Variants in ANGPT1 observed in about 807,000 individuals in gnomAD.
The protein encoded by ANGPT1 is angiopoietin-1.
Under a neutral mutation model 62.2 loss-of-function variants are expected in ANGPT1, and 17 were observed. The ratio of observed to expected loss-of-function variants is 0.27; its 90% confidence interval spans 0.19 to 0.41. ANGPT1 has a LOEUF of 0.41. ANGPT1 is among the 10% of genes least tolerant of loss of function. ANGPT1 has a pLI of 1.00. For synonymous variants in ANGPT1, 199 were observed against 198.9 expected (o/e 1.00, Z 0.00); for missense variants, 478 against 594.9 (o/e 0.80, Z 2.04).
chr8:107,299,407 ATATATATATATAT>A (rs1814501231), intron 5 of ANGPT1, among the ~76,000 whole-genome samples: 4 of 141,880 alleles, frequency 2.8e-5, no homozygotes, highest in Non-Finnish European at 6.1e-5. Context: ...ATATATATAT[ATATATATATATAT>A]AAACATACAT....
intron 1 of ANGPT1, among the ~76,000 whole-genome samples, chr8:107,439,918 C>T (rs943296245): frequency 6.6e-6 from 1 of 152,128 alleles, no homozygotes; most frequent in Non-Finnish European, 1.5e-5. Flanking sequence ...AATCAGTAGA[C>T]TCGGTATTAG....
intron 1 of ANGPT1, among the ~76,000 whole-genome samples, chr8:107,380,753 T>C (rs965273829): frequency 1.3e-5 from 2 of 152,186 alleles, no homozygotes; most frequent in African/African-American, 4.8e-5. Context: ...TCCCCACTTA[T>C]CCATGTATCT....
intron 1 of ANGPT1, among the ~76,000 whole-genome samples, chr8:107,359,374 A>G (rs1816113244): frequency 6.6e-6 from 1 of 152,168 alleles, no homozygotes; most frequent in Non-Finnish European, 1.5e-5. Context: ...TTTAAATACT[A>G]TATCTCAAGA....
intron 4 of ANGPT1, among the ~76,000 whole-genome samples, chr8:107,306,199 G>T (rs575062280): frequency 7.0e-4 from 106 of 152,118 alleles, no homozygotes; most frequent in African/African-American, 2.3e-3. Context: ...GCCAGTCTAG[G>T]GGGTGGTGGA....
intron 1 of ANGPT1, among the ~76,000 whole-genome samples, chr8:107,374,134 TA>T (rs1454889880): frequency 2.0e-5 from 3 of 152,174 alleles, no homozygotes; most frequent in African/African-American, 7.2e-5. Flanking sequence ...CATTTACTCA[TA>T]AAAAGGGCTT....
Position 107,316,054 on chromosome 8 carries a change from G to A in ANGPT1, c.808+5842C>T, listed in dbSNP as rs1379967543. 6.6e-5 allele frequency among the ~76,000 whole-genome samples: 10 copies of A among 152,146 alleles called. No individual in the cohort carries two copies. The East Asian group carries it at 1.9e-3, about 29-fold the overall frequency. ...AATCTATTTCATCTCCCATGTTGCT[G>A]GTTTTAAAGAATGTGATCTATGCTC... On this transcript the variant is annotated intron_variant, in intron 4 of 8. Transcript: ENST00000517746.
At chr8:107,417,558 T>G (rs979233877) in intron 1 of ANGPT1, among the ~76,000 whole-genome samples, 1 of 152,142 alleles carries the variant, frequency 6.6e-6, no homozygotes, top group South Asian at 2.1e-4. Flanking sequence ...CCCCGTTATT[T>G]TCATTCCTGG....
At chr8:107,479,780 T>G (rs1812627634) in intron 1 of ANGPT1, among the ~76,000 whole-genome samples, 1 of 152,172 alleles carries the variant, frequency 6.6e-6, no homozygotes, top group African/African-American at 2.4e-5. Flanking sequence ...TCACATAAAC[T>G]ATATAGCACT....
At chr8:107,341,443 A>C (rs1815693994) in intron 2 of ANGPT1, among the ~76,000 whole-genome samples, 1 of 151,990 alleles carries the variant, frequency 6.6e-6, no homozygotes. Flanking sequence ...ATCTTGAAAA[A>C]CAAAACTCCT....
intron 4 of ANGPT1, among the ~76,000 whole-genome samples, chr8:107,318,743 C>A (rs1030502295): frequency 6.6e-6 from 1 of 151,664 alleles, no homozygotes; most frequent in Non-Finnish European, 1.5e-5. Flanking sequence ...TGGAGTAAAA[C>A]GTGATGTTTT....
chr8:107,351,126 G>C (rs994006648), intron 1 of ANGPT1, among the ~76,000 whole-genome samples: 1 of 151,968 alleles, frequency 6.6e-6, no homozygotes, highest in African/African-American at 2.4e-5. Context: ...CTCTCAACCT[G>C]AATAATAAAA....
intron 1 of ANGPT1, among the ~76,000 whole-genome samples, chr8:107,452,189 C>T (rs1409446101): frequency 5.3e-5 from 8 of 151,190 alleles, no homozygotes; most frequent in Admixed American, 6.6e-5. Context: ...TATTATTATT[C>T]TACTACCGTC....
At chr8:107,354,297 C>CT (rs1166495339) in intron 1 of ANGPT1, among the ~76,000 whole-genome samples, 1 of 152,040 alleles carries the variant, frequency 6.6e-6, no homozygotes, top group East Asian at 1.9e-4. Flanking sequence ...TTTCCTTTAC[C>CT]TTTTTTTAAA....
chr8:107,476,443 G>A (rs561519688), intron 1 of ANGPT1, among the ~76,000 whole-genome samples: 1 of 152,258 alleles, frequency 6.6e-6, no homozygotes, highest in East Asian at 1.9e-4. Flanking sequence ...CATGGGGTGG[G>A]GGGGAGCAGG....
intron 6 of ANGPT1, among the ~76,000 whole-genome samples, chr8:107,293,597 C>A (rs1249990536): frequency 6.6e-6 from 1 of 152,158 alleles, no homozygotes; most frequent in Non-Finnish European, 1.5e-5. Context: ...GTTCCACAAC[C>A]TGCAACCCTG....
intron 1 of ANGPT1, among the ~76,000 whole-genome samples, chr8:107,372,972 T>G (rs1444790172): frequency 3.9e-5 from 6 of 152,030 alleles, no homozygotes; most frequent in East Asian, 3.9e-4. Context: ...GTGAAGTACT[T>G]TGAAAACTAT....
At chr8:107,285,061 A>T (rs1245006895) in intron 6 of ANGPT1, among the ~76,000 whole-genome samples, 2 of 152,096 alleles carry the variant, frequency 1.3e-5, no homozygotes, top group Non-Finnish European at 2.9e-5. Flanking sequence ...GTACAATAAA[A>T]CCTCTGTTAT....
intron 1 of ANGPT1, among the ~76,000 whole-genome samples, chr8:107,474,717 A>T (rs941888455): frequency 3.3e-5 from 5 of 152,210 alleles, no homozygotes; most frequent in Non-Finnish European, 7.3e-5. Flanking sequence ...CCTTAAGCTG[A>T]TAAGCAACTT....
intron 1 of ANGPT1, among the ~76,000 whole-genome samples, chr8:107,374,150 A>G (rs1015028195): frequency 6.6e-6 from 1 of 152,182 alleles, no homozygotes; most frequent in Admixed American, 6.5e-5. Flanking sequence ...GGGCTTGCCA[A>G]CCTTTTTTTA....
Sources: gnomAD v4.1 joint callset for allele counts (sites outside exome capture counted in the v4.1 genomes callset) on GRCh38, gnomAD v4.1.1 for gene constraint, MANE v1.5 for transcripts, NCBI Gene and HGNC (gene_info 2026-07-23, HGNC 2026-07-21) for gene names.